The following IL17C variants were observed in gnomAD, a reference collection of about 807,000 sequenced individuals.
IL17C encodes the protein interleukin-17C.
IL17C carries 13 observed loss-of-function variants against 11.0 expected under a neutral mutation model. The observed-to-expected ratio is 1.18, with a 90% CI of 0.77 to 1.88. The LOEUF (loss-of-function observed/expected upper bound fraction) is 1.88. Among genes scored for constraint, IL17C ranks in the 40% most tolerant of loss-of-function variants. IL17C has a pLI of 0.00. For synonymous variants in IL17C, 150 were observed against 125.8 expected (o/e 1.19, Z -1.29); for missense variants, 357 against 278.2 (o/e 1.28, Z -2.01).
Position 88,639,609 on chromosome 16 carries a change from C to T in IL17C, c.336-205C>T, listed in dbSNP as rs1260477118. ...GTGGAAGGGAGGCTCCTAGAGGCCT[C>T]CGGACCCTGCTCTGTGCTCTTGGAG... On this transcript the variant is annotated intron_variant, in intron 2 of 2. Coordinates refer to ENST00000244241, the MANE Select transcript of IL17C (RefSeq NM_013278.4). This position sits in a 1 kb window ranked among gnomAD's most constrained non-coding sequence, Gnocchi z 5.1. Among the ~76,000 whole-genome samples the T allele has an allele frequency of 6.6e-6, 1 of 152,180 alleles. No individual in the cohort carries two copies. Among genetic ancestry groups the T allele is most frequent in the Non-Finnish European group, 1.5e-5 (1 of 68,018 alleles).
rs769031801 is a variant in IL17C, at chr16:88,639,871, C to T, written c.393C>T (p.Cys131=). 6.9e-6 allele frequency: 11 copies of T among 1,603,708 alleles called. 1 individual carries two copies. The highest frequency in any genetic ancestry group is 5.5e-5 in the South Asian group (5 of 90,170). The change falls in exon 3 of 3, where the codon TGC becomes TGT. Residue 131 remains cysteine (C), a synonymous_variant. Transcript: ENST00000244241. This position sits in a 1 kb window ranked among gnomAD's most constrained non-coding sequence, Gnocchi z 5.1. The part of the protein sequence containing the change: ...PQKLAFAECL[C]RGCIDARTGR... The stretch of plus-strand genomic sequence containing the variant: ...AGCTGGCCTTCGCCGAGTGCCTGTG[C>T]AGAGGCTGTATCGATGCACGGACGG...
chr16:88,639,918 A>T lies in IL17C; in HGVS notation c.440A>T (p.Asn147Ile). ...ARTGRETAAL[N>I]SVRLLQSLLV... is the part of the protein sequence containing the mutation. ...ACGGGCCGCGAGACAGCTGCGCTCAACTCCGTGCGGCTGCTCCAGAGCCTG... is the reference window on the plus strand; with the variant it reads ...ACGGGCCGCGAGACAGCTGCGCTCATCTCCGTGCGGCTGCTCCAGAGCCTG... Residue 147 changes from asparagine to isoleucine, a missense_variant, in exon 3 of 3, where the codon AAC (asparagine) becomes ATC (isoleucine). Transcript: ENST00000244241. The surrounding 1 kb of genome is among the most constrained non-coding windows in gnomAD (Gnocchi z 5.1). The T allele has an allele frequency of 6.2e-7, 1 of 1,610,396 alleles. No individual in the cohort carries two copies.
In IL17C at chr16:88,639,862, G is replaced by C; in HGVS notation, c.384G>C (p.Glu128Asp). 1 of 1,599,546 alleles carries C rather than the reference G, an allele frequency of 6.3e-7. No homozygotes were observed. The highest frequency in any genetic ancestry group is 8.5e-7 in the Non-Finnish European group (1 of 1,174,176). Reference protein sequence around the residue: ...DRYPQKLAFAECLCRGCIDAR... With the variant: ...DRYPQKLAFADCLCRGCIDAR... ...ATCCACAGAAGCTGGCCTTCGCCGA[G>C]TGCCTGTGCAGAGGCTGTATCGATG... Residue 128 changes from glutamate to aspartate, a missense_variant, in exon 3 of 3, where the codon GAG becomes GAC. Coordinates refer to ENST00000244241, the MANE Select transcript of IL17C (RefSeq NM_013278.4). The surrounding 1 kb of genome is among the most constrained non-coding windows in gnomAD (Gnocchi z 5.1).
chr16:88,639,362 G>A lies in IL17C; in HGVS notation c.335+53G>A, dbSNP rs1906991126. Reference sequence around the variant, plus strand: ...GTGGGGCTGCCCCTCCCCTGGCGGGGCCCTGACTGCCCGGAGAGCTCTCTG... The same window carrying A: ...GTGGGGCTGCCCCTCCCCTGGCGGGACCCTGACTGCCCGGAGAGCTCTCTG... On this transcript the variant is annotated intron_variant, in intron 2 of 2. Transcript: ENST00000244241. This position sits in a 1 kb window ranked among gnomAD's most constrained non-coding sequence, Gnocchi z 5.1. 6 of 1,461,378 alleles carry A rather than the reference G, an allele frequency of 4.1e-6. No homozygotes were observed. The highest frequency in any genetic ancestry group is 5.5e-6 in the Non-Finnish European group (6 of 1,100,234). 90.5% of individuals were successfully genotyped at this position (1,461,378 alleles called of 1,614,324 possible).
At position 88,640,007 on chromosome 16, in the gene IL17C, G is replaced by C; in HGVS notation, c.529G>C (p.Ala177Pro). The change falls in exon 3 of 3, where the codon GCC (alanine) becomes CCC (proline). Residue 177 changes from alanine (A) to proline (P), a missense_variant. Ala to Pro is a conservative substitution (Grantham distance 27). Coordinates refer to ENST00000244241, the MANE Select transcript of IL17C (RefSeq NM_013278.4). ...GSGLPTPGAF[A>P]FHTEFIHVPV... ...GGGGCTCCCCACACCTGGGGCCTTT[G>C]CCTTCCACACCGAGTTCATCCACGT... 1 of 1,605,812 alleles carries C rather than the reference G, an allele frequency of 6.2e-7. No individual in the cohort carries two copies.
At position 88,640,457 on chromosome 16, in the gene IL17C, C is replaced by G. The variant is rs540407472; in HGVS notation, c.*385C>G. ...ATTTAAGTGTACGTGTATTATTAAACTGATGAACACATCCCCAGAGGCCAA... is the reference window on the plus strand; with the variant it reads ...ATTTAAGTGTACGTGTATTATTAAAGTGATGAACACATCCCCAGAGGCCAA... On this transcript the variant is annotated 3_prime_UTR_variant, in exon 3 of 3. Transcript: ENST00000244241. The G allele has an allele frequency of 4.9e-5, 10 of 203,444 alleles. No homozygotes were observed. The East Asian group carries it at 1.2e-3, about 25-fold the overall frequency. The allele number at this position is 203,444 out of a possible 1,614,324, so 12.6% of individuals were successfully genotyped here. A position where few individuals can be genotyped will look rare whatever the true frequency, so the allele number is the denominator to read the frequency against.
Position 88,639,479 on chromosome 16 carries a change from C to T in IL17C, c.335+170C>T, listed in dbSNP as rs571186821. ...ACCTGGACGGCTGAGCTGCTGCTTG[C>T]GGCTGGCCGTGCCCTGCCTCCCACT... On this transcript the variant is annotated intron_variant, in intron 2 of 2. Coordinates refer to ENST00000244241, the MANE Select transcript of IL17C (RefSeq NM_013278.4). This position sits in a 1 kb window ranked among gnomAD's most constrained non-coding sequence, Gnocchi z 5.1. Among the ~76,000 whole-genome samples, 129 of 152,280 alleles carry T rather than the reference C, an allele frequency of 8.5e-4. 1 individual carries two copies. Among genetic ancestry groups the T allele is most frequent in the African/African-American group, 2.9e-3 (119 of 41,560 alleles).
chr16:88,638,774 G>A lies in IL17C; in HGVS notation c.6+127G>A, dbSNP rs146448872. On this transcript the variant is annotated intron_variant, in intron 1 of 2. Transcript: ENST00000244241. ...GGGTCTGGGAAACCCCTCAGTCTGG[G>A]GGTAGGGGAGGCAGCTGCAGATCCT... The A allele has an allele frequency of 5.3e-4, 760 of 1,441,600 alleles. 1 individual carries two copies. In the African/African-American group the frequency reaches 9.7e-3, roughly 18 times the overall value. 89.3% of individuals were successfully genotyped at this position (1,441,600 alleles called of 1,614,324 possible).
At position 88,640,080 on chromosome 16, in the gene IL17C, G is replaced by A; in HGVS notation, c.*8G>A. 1 of 1,539,148 alleles carries A rather than the reference G, an allele frequency of 6.5e-7. No individual in the cohort carries two copies. The highest frequency in any genetic ancestry group is 8.8e-7 in the Non-Finnish European group (1 of 1,141,166). On this transcript the variant is annotated 3_prime_UTR_variant, in exon 3 of 3. Transcript: ENST00000244241. ...CTGCCCCGTTCAGTGTGACCGCCGA[G>A]GCCGTGGGGCCCCTAGACTGGACAC...
In IL17C at chr16:88,640,406, G is replaced by A. The variant is rs1907028666; in HGVS notation, c.*334G>A. The stretch of plus-strand genomic sequence containing the variant: ...AGGCTGCCTCTTCCCAACCTCCTTG[G>A]AAGTACCCCTGTTTCTTAAACAATT... On this transcript the variant is annotated 3_prime_UTR_variant, in exon 3 of 3. Coordinates refer to ENST00000244241, the MANE Select transcript of IL17C (RefSeq NM_013278.4). 3.0e-6 allele frequency: 1 copy of A among 333,498 alleles called. No individual in the cohort carries two copies. The highest frequency in any genetic ancestry group is 2.1e-5 in the African/African-American group (1 of 47,290). The allele number at this position is 333,498 out of a possible 1,614,324, so 20.7% of individuals were successfully genotyped here. A position where few individuals can be genotyped will look rare whatever the true frequency, so the allele number is the denominator to read the frequency against.
At position 88,639,697 on chromosome 16, in the gene IL17C, C is replaced by A; in HGVS notation, c.336-117C>A. 7.8e-7 allele frequency: 1 copy of A among 1,281,928 alleles called. No homozygotes were observed. The highest frequency in any genetic ancestry group is 1.0e-6 in the Non-Finnish European group (1 of 961,612). 79.4% of individuals were successfully genotyped at this position (1,281,928 alleles called of 1,614,324 possible). A position where few individuals can be genotyped will look rare whatever the true frequency, so the allele number is the denominator to read the frequency against. Reference sequence around the variant, plus strand: ...CCGACTGCACCCCAAGCCCGTGTGGCTCAGCCCTCGCTGCCTCAGGTCCTA... The same window carrying A: ...CCGACTGCACCCCAAGCCCGTGTGGATCAGCCCTCGCTGCCTCAGGTCCTA... On this transcript the variant is annotated intron_variant, in intron 2 of 2. Transcript: ENST00000244241. This position sits in a 1 kb window ranked among gnomAD's most constrained non-coding sequence, Gnocchi z 5.1.
In IL17C at chr16:88,639,939, G is replaced by C. The variant is rs1178656512; in HGVS notation, c.461G>C (p.Ser154Thr). Residue 154 changes from serine (S) to threonine (T), a missense_variant, in exon 3 of 3, where the codon AGC becomes ACC. Physicochemically the swap from Ser to Thr is moderately conservative, Grantham distance 58 (BLOSUM62 1). Coordinates refer to ENST00000244241, the MANE Select transcript of IL17C (RefSeq NM_013278.4). This position sits in a 1 kb window ranked among gnomAD's most constrained non-coding sequence, Gnocchi z 5.1. ...CTCAACTCCGTGCGGCTGCTCCAGA[G>C]CCTGCTGGTGCTGCGCCGCCGGCCC... is the stretch of plus-strand genomic sequence containing the variant. ...AALNSVRLLQ[S>T]LLVLRRRPCS... 1 of 1,610,214 alleles carries C rather than the reference G, an allele frequency of 6.2e-7. No individual in the cohort carries two copies. Among genetic ancestry groups the C allele is most frequent in the Admixed American group, 1.7e-5 (1 of 59,926 alleles).
Position 88,639,474 on chromosome 16 carries a change from G to A in IL17C, c.335+165G>A, listed in dbSNP as rs886607361. ...TCCTGACCTGGACGGCTGAGCTGCT[G>A]CTTGCGGCTGGCCGTGCCCTGCCTC... On this transcript the variant is annotated intron_variant, in intron 2 of 2. Transcript: ENST00000244241. This position sits in a 1 kb window ranked among gnomAD's most constrained non-coding sequence, Gnocchi z 5.1. Among the ~76,000 whole-genome samples the A allele has an allele frequency of 1.3e-5, 2 of 152,188 alleles. No homozygotes were observed. Among genetic ancestry groups the A allele is most frequent in the African/African-American group, 2.4e-5 (1 of 41,458 alleles).
rs979976165 is a variant in IL17C, at chr16:88,639,723, T to C, written c.336-91T>C. 3.8e-5 allele frequency: 54 copies of C among 1,405,264 alleles called. No individual in the cohort carries two copies. The African/African-American group carries it at 6.2e-4, about 16-fold the overall frequency. The allele number at this position is 1,405,264 out of a possible 1,614,324, so 87.0% of individuals were successfully genotyped here. ...TCAGCCCTCGCTGCCTCAGGTCCTATCCTGAGTACACGGAGAGGGGCCCTG... is the reference window on the plus strand; with the variant it reads ...TCAGCCCTCGCTGCCTCAGGTCCTACCCTGAGTACACGGAGAGGGGCCCTG... On this transcript the variant is annotated intron_variant, in intron 2 of 2. Transcript: ENST00000244241. The surrounding 1 kb of genome is among the most constrained non-coding windows in gnomAD (Gnocchi z 5.1).
In IL17C at chr16:88,640,311, G is replaced by A. The variant is rs964558600; in HGVS notation, c.*239G>A. 3.9e-5 allele frequency: 19 copies of A among 488,008 alleles called. No individual in the cohort carries two copies. The highest frequency in any genetic ancestry group is 3.7e-4 in the African/African-American group (19 of 50,736). The allele number at this position is 488,008 out of a possible 1,614,324, so 30.2% of individuals were successfully genotyped here. ...AAAGCTGCAGAAAAGGTGTCACACGGCTGCCTGTACCTTGGCTCCCTGTCC... is the reference window on the plus strand; with the variant it reads ...AAAGCTGCAGAAAAGGTGTCACACGACTGCCTGTACCTTGGCTCCCTGTCC... On this transcript the variant is annotated 3_prime_UTR_variant, in exon 3 of 3. Transcript: ENST00000244241.
In IL17C at chr16:88,638,653, C is replaced by A; in HGVS notation, c.6+6C>A. 2 of 1,612,994 alleles carry A rather than the reference C, an allele frequency of 1.2e-6. No individual in the cohort carries two copies. Among genetic ancestry groups the A allele is most frequent in the Non-Finnish European group, 1.7e-6 (2 of 1,180,022 alleles). On this transcript the variant is annotated splice_donor_region_variant and intron_variant, in intron 1 of 2. Coordinates refer to ENST00000244241, the MANE Select transcript of IL17C (RefSeq NM_013278.4). The stretch of plus-strand genomic sequence containing the variant: ...CCGCTGCCGCCACCATGACGGTGAG[C>A]CTCTCCACATGCCGCTCGGATGGAT...
chr16:88,639,724 C>T lies in IL17C; in HGVS notation c.336-90C>T. On this transcript the variant is annotated intron_variant, in intron 2 of 2. Coordinates refer to ENST00000244241, the MANE Select transcript of IL17C (RefSeq NM_013278.4). This position sits in a 1 kb window ranked among gnomAD's most constrained non-coding sequence, Gnocchi z 5.1. Reference sequence around the variant, plus strand: ...CAGCCCTCGCTGCCTCAGGTCCTATCCTGAGTACACGGAGAGGGGCCCTGA... The same window carrying T: ...CAGCCCTCGCTGCCTCAGGTCCTATTCTGAGTACACGGAGAGGGGCCCTGA... 1 of 1,418,390 alleles carries T rather than the reference C, an allele frequency of 7.1e-7. No homozygotes were observed. Among genetic ancestry groups the T allele is most frequent in the Non-Finnish European group, 9.3e-7 (1 of 1,076,724 alleles). 87.9% of individuals were successfully genotyped at this position (1,418,390 alleles called of 1,614,324 possible). A position where few individuals can be genotyped will look rare whatever the true frequency, so the allele number is the denominator to read the frequency against.
rs1597368590 is a variant in IL17C, at chr16:88,639,029, C to T, written c.55C>T (p.His19Tyr). The part of the protein sequence containing the change: ...FLTWLHTCLA[H>Y]HDPSLRGHPH... ...GACCTGGCTGCACACATGCCTGGCC[C>T]ACCATGACCCCTCCCTCAGGGGGCA... is the stretch of plus-strand genomic sequence containing the variant. The change falls in exon 2 of 3, where the codon CAC (histidine) becomes TAC (tyrosine). Residue 19 changes from histidine to tyrosine, a missense_variant. Transcript: ENST00000244241. The surrounding 1 kb of genome is among the most constrained non-coding windows in gnomAD (Gnocchi z 5.1). The T allele has an allele frequency of 6.2e-7, 1 of 1,604,840 alleles. No individual in the cohort carries two copies.
rs201254991 is a variant in IL17C at position 88,639,234 on chromosome 16, A to G, written c.260A>G (p.Gln87Arg). ...GRHERPSATT[Q>R]CPVLRPEEVL... The stretch of plus-strand genomic sequence containing the variant: ...CACGAGAGGCCCTCAGCTACGACCC[A>G]GTGCCCGGTGCTGCGGCCGGAGGAG... Residue 87 changes from glutamine to arginine, a missense_variant, in exon 2 of 3, where the codon CAG becomes CGG. Coordinates refer to ENST00000244241, the MANE Select transcript of IL17C (RefSeq NM_013278.4). The surrounding 1 kb of genome is among the most constrained non-coding windows in gnomAD (Gnocchi z 5.1). 29 of 1,612,528 alleles carry G rather than the reference A, an allele frequency of 1.8e-5. No individual in the cohort carries two copies. The East Asian group carries it at 4.7e-4, about 26-fold the overall frequency.
Sources: gnomAD v4.1 joint callset for allele counts (sites outside exome capture counted in the v4.1 genomes callset) on GRCh38, gnomAD v4.1.1 for gene constraint, Gnocchi (gnomAD v3.1) non-coding constraint, MANE v1.5 for transcripts, NCBI Gene and HGNC (gene_info 2026-07-23, HGNC 2026-07-21) for gene names.